Variants in WWP2 observed in about 807,000 individuals in gnomAD.
The protein encoded by WWP2 is NEDD4-like E3 ubiquitin-protein ligase WWP2.
A neutral mutation model predicts 121.0 loss-of-function variants in WWP2; 57 were observed. The observed-to-expected ratio is 0.47, with a 90% CI of 0.38 to 0.59. The LOEUF is 0.59. Among genes scored for constraint, WWP2 ranks in the 20% least tolerant of loss-of-function variants. WWP2 has a pLI of 0.00. For missense variants in WWP2, 962 were observed against 1,158.9 expected (o/e 0.83, Z 2.47); for synonymous variants, 449 against 441.3 (o/e 1.02, Z -0.22).
chr16:69,841,224 A>G (rs1035535631), intron 5 of WWP2, among the ~76,000 whole-genome samples: 1 of 152,242 alleles, frequency 6.6e-6, no homozygotes, highest in Non-Finnish European at 1.5e-5. Flanking sequence ...CAAATGAGTA[A>G]ACACACAGAT....
At chr16:69,872,008 G>A in intron 7 of WWP2, 77 bp downstream of exon 7, 1 of 1,527,564 alleles carries the variant, frequency 6.5e-7, no homozygotes, top group Admixed American at 2.0e-5. Context: ...ACGGGATCCT[G>A]CCCACTGTGT....
At chr16:69,794,926 A>G (rs1363590139) in intron 2 of WWP2, among the ~76,000 whole-genome samples, 2 of 152,164 alleles carry the variant, frequency 1.3e-5, no homozygotes, top group African/African-American at 4.8e-5. Context: ...CTTTAAAAAT[A>G]TGTCTGGGGA....
At chr16:69,840,994 A>T (rs1181645874) in intron 5 of WWP2, among the ~76,000 whole-genome samples, 1 of 152,208 alleles carries the variant, frequency 6.6e-6, no homozygotes, top group Non-Finnish European at 1.5e-5. Flanking sequence ...TTGACTGTGG[A>T]GAAAAATCCC....
intron 4 of WWP2, among the ~76,000 whole-genome samples, chr16:69,821,340 G>A (rs556085323): frequency 6.6e-6 from 1 of 152,300 alleles, no homozygotes; most frequent in East Asian, 1.9e-4. Flanking sequence ...GAAAGAAAAG[G>A]TCCTTTTAGC....
At chr16:69,879,124 A>G (rs2057782421) in intron 7 of WWP2, among the ~76,000 whole-genome samples, 1 of 152,102 alleles carries the variant, frequency 6.6e-6, no homozygotes, top group Non-Finnish European at 1.5e-5. Context: ...GTATTTGATC[A>G]TTTGTCCTTC....
intron 7 of WWP2, among the ~76,000 whole-genome samples, chr16:69,875,617 T>C (rs1383947414): frequency 6.6e-6 from 1 of 152,258 alleles, no homozygotes; most frequent in Non-Finnish European, 1.5e-5. Flanking sequence ...ATTTCAACAG[T>C]GTTCACAGCA....
At chr16:69,922,114 T>G (rs1054619381) in intron 10 of WWP2, among the ~76,000 whole-genome samples, 2 of 152,010 alleles carry the variant, frequency 1.3e-5, no homozygotes, top group Non-Finnish European at 2.9e-5. Context: ...AACAGATTAT[T>G]TTGTGGCTCT....
At chr16:69,793,344 T>G (rs376654911) in intron 2 of WWP2, among the ~76,000 whole-genome samples, 1 of 151,984 alleles carries the variant, frequency 6.6e-6, no homozygotes. Context: ...AGAGCAAGAC[T>G]CCATCTAAAA....
intron 8 of WWP2, among the ~76,000 whole-genome samples, chr16:69,899,800 G>GT (rs1486414081): frequency 1.3e-5 from 2 of 149,948 alleles, no homozygotes; most frequent in East Asian, 2.0e-4. Context: ...AATTGGCAGT[G>GT]TTTTTTTTCT....
chr16:69,929,448 A>T lies in WWP2; in HGVS notation c.1235A>T (p.Glu412Val), dbSNP rs1295794733. ...DPLGPLPPGW[E>V]KRQDNGRVYY... ...TTCTTTCTTTCTTCTCATGTGGCAG[A>T]GAAGAGACAGGACAATGGACGGGTG... Residue 412 changes from glutamate (E) to valine (V), a missense_variant and splice_region_variant, in exon 12 of 24, where the codon GAG becomes GTG. Glu to Val is a moderately radical substitution (Grantham distance 121). Transcript: ENST00000359154. The T allele has an allele frequency of 6.2e-7, 1 of 1,613,828 alleles. No individual in the cohort carries two copies. The highest frequency in any genetic ancestry group is 8.5e-7 in the Non-Finnish European group (1 of 1,179,798).
intron 4 of WWP2, among the ~76,000 whole-genome samples, chr16:69,803,539 A>G (rs900722735): frequency 6.6e-6 from 1 of 152,062 alleles, no homozygotes; most frequent in Admixed American, 6.6e-5. Flanking sequence ...AGGTCCATTC[A>G]TTGGTTGTTC....
At chr16:69,838,398 T>C (rs1304154689) in intron 4 of WWP2, among the ~76,000 whole-genome samples, 1 of 150,084 alleles carries the variant, frequency 6.7e-6, no homozygotes, top group Non-Finnish European at 1.5e-5. Flanking sequence ...GCCAGAGACT[T>C]AGGTACTGGA....
intron 16 of WWP2, 134 bp from the exon 17 acceptor site, chr16:69,933,836 T>C: frequency 2.9e-6 from 3 of 1,025,718 alleles, no homozygotes; most frequent in South Asian, 3.1e-5. Context: ...CCCGGGTGCT[T>C]GTCACAGGGC....
rs149295939 is a variant in WWP2 at position 69,931,087 on chromosome 16, A to G, written c.1446-65A>G. 3.4e-5 allele frequency: 52 copies of G among 1,543,458 alleles called. No homozygotes were observed. The East Asian group carries it at 1.1e-3, about 33-fold the overall frequency. On this transcript the variant is annotated intron_variant, in intron 13 of 23. Coordinates refer to ENST00000359154, the MANE Select transcript of WWP2 (RefSeq NM_001270454.2). ...ATAGCACCAGCTTTCCTTAGGGCTG[A>G]CAAAGACAAATTGTTCATTTTCTGA...
In WWP2 at chr16:69,902,932, T is replaced by G. The variant is rs116390682; in HGVS notation, c.915-5829T>G. ...CCATGCAGGTGAGGGAGGAGTGAGG[T>G]TCTGTGAGAAAGGGAGGCAGGCCAG... is the stretch of plus-strand genomic sequence containing the variant. On this transcript the variant is annotated intron_variant, in intron 8 of 23. Coordinates refer to ENST00000359154, the MANE Select transcript of WWP2 (RefSeq NM_001270454.2). Among the ~76,000 whole-genome samples the G allele has an allele frequency of 8.0e-3, 1,211 of 151,786 alleles. 17 individuals are homozygous for G. Among genetic ancestry groups the G allele is most frequent in the African/African-American group, 0.027 (1,100 of 41,382 alleles).
At chr16:69,853,283 C>T (rs1437210676) in intron 6 of WWP2, among the ~76,000 whole-genome samples, 1 of 152,112 alleles carries the variant, frequency 6.6e-6, no homozygotes, top group East Asian at 1.9e-4. Flanking sequence ...GAGGGGTCTC[C>T]CTGAGGTCTT....
intron 12 of WWP2, 126 bp from the exon 13 acceptor site, chr16:69,930,004 G>A: frequency 5.7e-6 from 8 of 1,398,488 alleles, no homozygotes; most frequent in Non-Finnish European, 6.8e-6. Context: ...TGCTTCTTGG[G>A]TGCATGTCCT....
chr16:69,788,537 T>G (rs891993132), intron 2 of WWP2, among the ~76,000 whole-genome samples: 2 of 152,218 alleles, frequency 1.3e-5, no homozygotes, highest in Admixed American at 6.6e-5. Flanking sequence ...GCCTTTGCAC[T>G]TGCTGTTCCC....
At chr16:69,927,771 T>C (rs960429539) in intron 11 of WWP2, among the ~76,000 whole-genome samples, 2 of 152,230 alleles carry the variant, frequency 1.3e-5, no homozygotes, top group African/African-American at 2.4e-5. Flanking sequence ...TGGTGGTAGC[T>C]CTGTAACAGC....
Sources: allele counts gnomAD v4.1 joint callset (sites outside exome capture counted in the v4.1 genomes callset), GRCh38; gene constraint gnomAD v4.1.1; transcripts MANE v1.5; gene names NCBI Gene and HGNC (gene_info 2026-07-23, HGNC 2026-07-21).